PDXDC1: variants seen among roughly 807,000 people sequenced by gnomAD.
PDXDC1 encodes pyridoxal dependent decarboxylase domain containing 1.
Under a neutral mutation model 100.1 loss-of-function variants are expected in PDXDC1, and 42 were observed. The ratio of observed to expected loss-of-function variants is 0.42; its 90% confidence interval spans 0.33 to 0.54. The LOEUF (loss-of-function observed/expected upper bound fraction) is 0.54, where lower values mean the gene tolerates loss of function less well. PDXDC1 is among the 20% of genes least tolerant of loss of function. The probability of loss-of-function intolerance (pLI) is 0.10; values close to 1 mark genes in which losing one functional copy is unlikely to be tolerated. For missense variants in PDXDC1, 636 were observed against 979.2 expected (o/e 0.65, Z 4.68); for synonymous variants, 260 against 371.7 (o/e 0.70, Z 3.46).
chr16:15,122,556 T>C (rs2047476057), intron 16 of PDXDC1, among the ~76,000 whole-genome samples: 1 of 145,804 alleles, frequency 6.9e-6, no homozygotes, highest in South Asian at 2.3e-4. Context: ...ACCCCGCGGG[T>C]CCAGCGTCTA....
intron 16 of PDXDC1, among the ~76,000 whole-genome samples, chr16:15,086,873 C>T (rs888450278): frequency 6.6e-6 from 1 of 152,148 alleles, no homozygotes; most frequent in African/African-American, 2.4e-5. Flanking sequence ...AAAACTCAGT[C>T]GAGGCTGATC....
At chr16:15,064,938 G>C (rs927373813) in intron 16 of PDXDC1, among the ~76,000 whole-genome samples, 12 of 152,134 alleles carry the variant, frequency 7.9e-5, no homozygotes, top group Non-Finnish European at 1.6e-4. Flanking sequence ...AGGCCGAGGC[G>C]GGCGGATCAC....
downstream of PDXDC1, chr16:15,041,128 A>G: frequency 1.3e-6 from 2 of 1,512,518 alleles, no homozygotes; most frequent in Non-Finnish European, 1.8e-6. Context: ...AATTCTACAA[A>G]ATAAGAATGT....
chr16:15,004,512 A>G (rs959433021), intron 5 of PDXDC1, among the ~76,000 whole-genome samples, 179 bp downstream of exon 5: 1 of 152,294 alleles, frequency 6.6e-6, no homozygotes, highest in Non-Finnish European at 1.5e-5. Flanking sequence ...CCTATTTCAT[A>G]GAAGCGTTGT....
chr16:15,141,191 C>T (rs1372228659), downstream of PDXDC1, among the ~76,000 whole-genome samples: 16 of 152,210 alleles, frequency 1.1e-4, no homozygotes, highest in Non-Finnish European at 1.9e-4. Flanking sequence ...CTCCTCCCAC[C>T]GGAGCTCCGC....
chr16:14,997,218 G>A (rs1281308179), intron 1 of PDXDC1, among the ~76,000 whole-genome samples: 70 of 152,316 alleles, frequency 4.6e-4, no homozygotes, highest in Non-Finnish European at 6.9e-4. Context: ...GGAGATAGGT[G>A]TACACATGGC....
At chr16:14,996,247 T>C in intron 1 of PDXDC1, 1 of 301,624 alleles carries the variant, frequency 3.3e-6, no homozygotes, top group Non-Finnish European at 6.6e-6. Flanking sequence ...TGGAATTTCT[T>C]AAAAACAATT....
intron 16 of PDXDC1, among the ~76,000 whole-genome samples, chr16:15,132,375 A>AC (rs1567312357): frequency 2.5e-4 from 1 of 3,944 alleles, no homozygotes; most frequent in Non-Finnish European, 8.3e-4. Flanking sequence ...AAGGGGAGGG[A>AC]GGGGGAGGGG....
At chr16:15,147,500 C>A in the PDXDC1 span, among the ~76,000 whole-genome samples, 6 of 152,194 alleles carry the variant, frequency 3.9e-5, no homozygotes, top group Non-Finnish European at 7.3e-5. Flanking sequence ...CCGGCGTGGC[C>A]ACCGCGGGGA....
chr16:15,108,211 GT>G lies in PDXDC1; in HGVS notation c.1400-30667del, dbSNP rs559369321. The G allele has an allele frequency of 3.7e-4, 326 of 873,322 alleles. 5 individuals carry two copies. The African/African-American group carries it at 5.5e-3, about 15-fold the overall frequency. The allele number at this position is 873,322 out of a possible 1,614,324, so 54.1% of individuals were successfully genotyped here. The stretch of plus-strand genomic sequence containing the variant: ...AGAAAAAGGAAATGGCCTCAAAAGG[GT>G]AAGTTTGCTGTGTTGCCCTCACACC... On this transcript the variant is annotated intron_variant, in intron 16 of 16. Transcript: ENST00000535621.
intron 16 of PDXDC1, among the ~76,000 whole-genome samples, chr16:15,051,358 T>C (rs1219616292): frequency 1.3e-5 from 2 of 152,200 alleles, no homozygotes; most frequent in African/African-American, 4.8e-5. Context: ...TGCTCTATTT[T>C]TTAATTTCTT....
Position 15,136,016 on chromosome 16 carries a change from G to A in PDXDC1, c.1400-2863G>A, listed in dbSNP as rs1455331671. The A allele has an allele frequency of 5.1e-5, 79 of 1,537,290 alleles. No individual in the cohort carries two copies. The South Asian group carries it at 5.9e-4, about 12-fold the overall frequency. On this transcript the variant is annotated intron_variant, in intron 16 of 16. Coordinates refer to the PDXDC1 transcript ENST00000535621. ...ATGCAGTGCTCGGCTGTGGCTGGGT[G>A]TGGCTCCCCGGGCAGCCAGTTCTGG...
At chr16:15,101,871 CAG>C (rs2046561615) in intron 16 of PDXDC1, among the ~76,000 whole-genome samples, 2 of 151,758 alleles carry the variant, frequency 1.3e-5, no homozygotes, top group Non-Finnish European at 1.5e-5. Context: ...TGTCTCGAGA[CAG>C]AGTCTTGCTC....
At chr16:15,102,419 T>A (rs540217817) in intron 16 of PDXDC1, among the ~76,000 whole-genome samples, 117 of 151,468 alleles carry the variant, frequency 7.7e-4, no homozygotes, top group African/African-American at 2.5e-3. Flanking sequence ...GGCCTAAGGG[T>A]CAATGGGCAG....
At chr16:14,997,677 A>T (rs1228713795) in intron 1 of PDXDC1, 76 bp from the exon 2 acceptor site, 5 of 1,432,548 alleles carry the variant, frequency 3.5e-6, no homozygotes, top group Non-Finnish European at 4.7e-6. Flanking sequence ...TATGCACTTA[A>T]TTTTTCTGGG....
At chr16:14,998,776 T>TTAAATGATG (rs1972544694) in intron 3 of PDXDC1, among the ~76,000 whole-genome samples, 1 of 152,278 alleles carries the variant, frequency 6.6e-6, no homozygotes, top group Admixed American at 6.5e-5. Context: ...TAAACCAGTG[T>TTAAATGATG]CTTATCATCA....
chr16:15,035,029 C>T (rs2043318403), intron 21 of PDXDC1, among the ~76,000 whole-genome samples: 1 of 152,212 alleles, frequency 6.6e-6, no homozygotes, highest in Admixed American at 6.5e-5. Context: ...CAGTCCGTGA[C>T]TCCTTTCCTG....
downstream of PDXDC1, among the ~76,000 whole-genome samples, chr16:15,140,095 C>CAAAAAAAA (rs372891971): frequency 8.3e-3 from 358 of 42,926 alleles, no homozygotes; most frequent in Non-Finnish European, 0.01. Flanking sequence ...GACTCCATCT[C>CAAAAAAAA]AAAAAAAAAA....
chr16:15,092,306 A>G (rs1339747320), intron 16 of PDXDC1, among the ~76,000 whole-genome samples: 1 of 152,200 alleles, frequency 6.6e-6, no homozygotes, highest in Non-Finnish European at 1.5e-5. Flanking sequence ...CTCTCTCATT[A>G]TTACCTGTGA....
Sources: allele counts gnomAD v4.1 joint callset (sites outside exome capture counted in the v4.1 genomes callset), GRCh38; gene constraint gnomAD v4.1.1; transcripts MANE v1.5; gene names NCBI Gene and HGNC (gene_info 2026-07-23, HGNC 2026-07-21).